GRM8: variants seen among roughly 807,000 people sequenced by gnomAD.
GRM8 encodes the protein metabotropic glutamate receptor 8.
In GRM8, 47 loss-of-function variants were observed where a neutral mutation model predicts 87.2. The observed-to-expected ratio is 0.54, with a 90% CI of 0.43 to 0.69. The LOEUF (loss-of-function observed/expected upper bound fraction) is 0.69, where lower values mean the gene tolerates loss of function less well. Ranked by LOEUF, GRM8 falls within the 30% of genes least tolerant of loss-of-function variation. GRM8 has a pLI of 0.00. For missense variants in GRM8, 1,019 were observed against 1,139.2 expected (o/e 0.89, Z 1.52); for synonymous variants, 396 against 404.5 (o/e 0.98, Z 0.25).
intron 7 of GRM8, among the ~76,000 whole-genome samples, chr7:126,691,190 C>G (rs566180810): frequency 6.8e-4 from 104 of 152,336 alleles, no homozygotes; most frequent in African/African-American, 2.4e-3. Flanking sequence ...CCCTCTCATG[C>G]TGGTCAGTGC....
At chr7:126,870,925 G>A (rs1799041031) in intron 6 of GRM8, among the ~76,000 whole-genome samples, 1 of 152,150 alleles carries the variant, frequency 6.6e-6, no homozygotes, top group Non-Finnish European at 1.5e-5. Context: ...CATGCCTGTA[G>A]CATATGAAAG....
chr7:127,050,664 C>T (rs1013843280), intron 3 of GRM8, among the ~76,000 whole-genome samples: 1 of 152,150 alleles, frequency 6.6e-6, no homozygotes, highest in African/African-American at 2.4e-5. Flanking sequence ...CTTCAATAGA[C>T]ACACACTGAC....
chr7:127,035,649 C>G (rs1817781161), intron 3 of GRM8, among the ~76,000 whole-genome samples: 1 of 152,226 alleles, frequency 6.6e-6, no homozygotes, highest in Non-Finnish European at 1.5e-5. Flanking sequence ...TCAGACTCCA[C>G]ATAGTGTGAG....
At chr7:127,135,321 T>G (rs947466014) in intron 2 of GRM8, among the ~76,000 whole-genome samples, 1 of 152,150 alleles carries the variant, frequency 6.6e-6, no homozygotes, top group African/African-American at 2.4e-5. Flanking sequence ...TTTTTCACTA[T>G]TCACTAAAGC....
intron 6 of GRM8, among the ~76,000 whole-genome samples, chr7:126,875,391 G>T (rs1321752556): frequency 2.6e-5 from 4 of 152,020 alleles, no homozygotes; most frequent in Non-Finnish European, 4.4e-5. Flanking sequence ...AAGAGTTTGG[G>T]ATACCCACAG....
At chr7:126,940,705 G>C (rs1806825455) in intron 3 of GRM8, among the ~76,000 whole-genome samples, 1 of 152,144 alleles carries the variant, frequency 6.6e-6, no homozygotes, top group African/African-American at 2.4e-5. Context: ...CAGAACTCCT[G>C]GTTATGCTAT....
intron 6 of GRM8, among the ~76,000 whole-genome samples, chr7:126,771,363 T>C (rs1818825754): frequency 6.6e-6 from 1 of 152,024 alleles, no homozygotes; most frequent in East Asian, 1.9e-4. Context: ...TGCTTTTAGA[T>C]GCTCTTGGTT....
chr7:126,857,186 T>C (rs1218238116), intron 6 of GRM8, among the ~76,000 whole-genome samples: 1 of 152,218 alleles, frequency 6.6e-6, no homozygotes, highest in Non-Finnish European at 1.5e-5. Context: ...TTCTGTGTAC[T>C]ACCACAACTA....
chr7:126,489,874 G>T (rs531724505), intron 9 of GRM8, among the ~76,000 whole-genome samples: 1 of 152,052 alleles, frequency 6.6e-6, no homozygotes, highest in South Asian at 2.1e-4. Flanking sequence ...AATCCAGTGA[G>T]GGCCCAAATA....
At chr7:126,638,568 CTGGG>C (rs1802074577) in intron 7 of GRM8, among the ~76,000 whole-genome samples, 1 of 152,032 alleles carries the variant, frequency 6.6e-6, no homozygotes, top group South Asian at 2.1e-4. Context: ...GAAGGGGATG[CTGGG>C]TGGACATGTA....
chr7:126,994,971 T>C (rs1813035847), intron 3 of GRM8, among the ~76,000 whole-genome samples: 2 of 151,692 alleles, frequency 1.3e-5, no homozygotes, highest in Admixed American at 6.6e-5. Flanking sequence ...AGGTCTGACC[T>C]GGGATAGTCC....
At chr7:127,141,854 C>T (rs1335394722) in intron 2 of GRM8, among the ~76,000 whole-genome samples, 3 of 152,182 alleles carry the variant, frequency 2.0e-5, no homozygotes, top group Non-Finnish European at 2.9e-5. Context: ...TAGACTATGG[C>T]AATACCCAAT....
rs531047328 is a variant in GRM8, at chr7:126,663,208, G to A, written c.1358-53710C>T. Among the ~76,000 whole-genome samples, 9 of 152,294 alleles carry A rather than the reference G, an allele frequency of 5.9e-5. No homozygotes were observed. The East Asian group carries it at 1.4e-3, about 23-fold the overall frequency. ...ATGGATTCATGGCCAAATTCCACCAGATAGACAAAGAAGAACTGGTACCAA... is the reference window on the plus strand; with the variant it reads ...ATGGATTCATGGCCAAATTCCACCAAATAGACAAAGAAGAACTGGTACCAA... On this transcript the variant is annotated intron_variant, in intron 7 of 10. Transcript: ENST00000339582.
intron 6 of GRM8, among the ~76,000 whole-genome samples, chr7:126,795,621 T>C (rs1048123884): frequency 6.6e-6 from 1 of 152,134 alleles, no homozygotes; most frequent in Admixed American, 6.6e-5. Context: ...CCTCTCTCAA[T>C]GCCATTCAGT....
chr7:127,110,875 C>A (rs997675575), intron 2 of GRM8, among the ~76,000 whole-genome samples: 3 of 152,136 alleles, frequency 2.0e-5, no homozygotes, highest in Admixed American at 6.5e-5. Context: ...ATAGCAGGCT[C>A]TCTCTTTATT....
chr7:126,802,529 C>A (rs1822830555), intron 6 of GRM8, among the ~76,000 whole-genome samples: 1 of 152,056 alleles, frequency 6.6e-6, no homozygotes, highest in South Asian at 2.1e-4. Flanking sequence ...GAATGATATT[C>A]AGCCTTAAAA....
intron 7 of GRM8, among the ~76,000 whole-genome samples, chr7:126,667,939 C>T (rs1805953515): frequency 6.6e-6 from 1 of 152,172 alleles, no homozygotes; most frequent in African/African-American, 2.4e-5. Flanking sequence ...TTTGCTTCGA[C>T]CTTTATCTGT....
At chr7:127,097,595 G>A (rs2132982796) in intron 3 of GRM8, among the ~76,000 whole-genome samples, 1 of 152,204 alleles carries the variant, frequency 6.6e-6, no homozygotes, top group Admixed American at 6.5e-5. Context: ...CCTTTTGGGG[G>A]AAAATCTGTA....
intron 2 of GRM8, among the ~76,000 whole-genome samples, chr7:127,124,680 C>T (rs1455137436): frequency 6.6e-6 from 1 of 152,080 alleles, no homozygotes; most frequent in African/African-American, 2.4e-5. Flanking sequence ...AATGAACCTC[C>T]ATTTAGAAAT....
Sources: gnomAD v4.1 joint callset for allele counts (sites outside exome capture counted in the v4.1 genomes callset) on GRCh38, gnomAD v4.1.1 for gene constraint, MANE v1.5 for transcripts, NCBI Gene and HGNC (gene_info 2026-07-23, HGNC 2026-07-21) for gene names.